NLRP3: variants seen among roughly 807,000 people sequenced by gnomAD.
NLRP3 encodes NACHT, LRR and PYD domains-containing protein 3.
NLRP3 carries 48 observed loss-of-function variants against 91.3 expected under a neutral mutation model. The observed-to-expected ratio is 0.53, with a 90% CI of 0.42 to 0.67. The LOEUF (loss-of-function observed/expected upper bound fraction) is 0.67, where lower values mean the gene tolerates loss of function less well. Ranked by LOEUF, NLRP3 falls within the 30% of genes least tolerant of loss-of-function variation. The pLI is 0.00. For missense variants in NLRP3, 982 were observed against 1,276.9 expected, an observed-to-expected ratio of 0.77 and a Z score of 3.52; for synonymous variants, 561 against 507.9, an observed-to-expected ratio of 1.10 and a Z score of -1.41.
intron 1 of NLRP3, among the ~76,000 whole-genome samples, chr1:247,417,306 T>A (rs912291174): frequency 6.6e-6 from 1 of 152,122 alleles, no homozygotes; most frequent in Admixed American, 6.6e-5. Flanking sequence ...TATGCATCTA[T>A]AAAATGGGGC....
intron 2 of NLRP3, among the ~76,000 whole-genome samples, chr1:247,422,183 A>C (rs1662508016): frequency 6.6e-6 from 1 of 151,948 alleles, no homozygotes; most frequent in African/African-American, 2.4e-5. Context: ...GTTTGAGACC[A>C]GCCTGGGCAA....
intron 5 of NLRP3, among the ~76,000 whole-genome samples, chr1:247,432,911 A>C (rs1335081853): frequency 2.6e-5 from 4 of 151,982 alleles, no homozygotes; most frequent in Non-Finnish European, 5.9e-5. Flanking sequence ...TCAGAGCTGC[A>C]GCGGGATGTG....
chr1:247,421,558 T>A (rs1260713792), intron 2 of NLRP3, among the ~76,000 whole-genome samples: 1 of 152,210 alleles, frequency 6.6e-6, no homozygotes, highest in East Asian at 1.9e-4. Context: ...AAGCAGTTTT[T>A]ATGGATTTTA....
chr1:247,428,271 T>G lies in NLRP3; in HGVS notation c.2151-1314T>G, dbSNP rs561458758. ...CCTTACTCTGAGGACAGACTCTGAC[T>G]GGAGCCCTGGTAGGGGGCTCAGCAC... On this transcript the variant is annotated intron_variant, in intron 4 of 9. Coordinates refer to ENST00000336119, the MANE Select transcript of NLRP3 (RefSeq NM_001243133.2). 2.0e-3 allele frequency among the ~76,000 whole-genome samples: 283 copies of G among 142,254 alleles called. 7 individuals are homozygous for G. The highest frequency in any genetic ancestry group is 3.5e-3 in the Non-Finnish European group (213 of 61,292). The allele number at this position is 142,254 out of a possible 152,430, so 93.3% of individuals were successfully genotyped here. A position where few individuals can be genotyped will look rare whatever the true frequency, so the allele number is the denominator to read the frequency against.
rs1440936445 is a variant in NLRP3 at position 247,423,931 on chromosome 1, G to A, written c.482G>A (p.Ser161Asn). The change falls in exon 4 of 10, where the codon AGC becomes AAC. Residue 161 changes from serine to asparagine, a missense_variant. Ser to Asn is a conservative substitution (Grantham distance 46). Transcript: ENST00000336119. ...AATGCCCGTCTGGGTGAGAGTGTGAGCCTCAACAAACGCTACACACGACTG... is the reference window on the plus strand; with the variant it reads ...AATGCCCGTCTGGGTGAGAGTGTGAACCTCAACAAACGCTACACACGACTG... ...DRNARLGESV[S>N]LNKRYTRLRL... 2 of 1,614,014 alleles carry A rather than the reference G, an allele frequency of 1.2e-6. No homozygotes were observed. The highest frequency in any genetic ancestry group is 1.7e-5 in the Admixed American group (1 of 60,004).
intron 4 of NLRP3, among the ~76,000 whole-genome samples, 197 bp from the exon 5 acceptor site, chr1:247,429,388 G>C (rs1217690671): frequency 2.0e-5 from 3 of 152,198 alleles, no homozygotes; most frequent in Admixed American, 6.5e-5. Flanking sequence ...CTCCGTCCGA[G>C]AGGAGGCAGA....
rs777912263 is a variant in NLRP3 at position 247,434,184 on chromosome 1, G to A, written c.2403G>A (p.Leu801=). The change falls in exon 6 of 10, where the codon CTG becomes CTA. Residue 801 remains leucine (L), a synonymous_variant. Transcript: ENST00000336119. ...VLSSNQKLVE[L]DLSDNALGDF... ...GCAGCAACCAGAAGCTGGTGGAGCTGGACCTGAGTGACAACGCCCTCGGTG... is the reference window on the plus strand; with the variant it reads ...GCAGCAACCAGAAGCTGGTGGAGCTAGACCTGAGTGACAACGCCCTCGGTG... 5 of 1,614,136 alleles carry A rather than the reference G, an allele frequency of 3.1e-6. No homozygotes were observed. The highest frequency in any genetic ancestry group is 3.3e-5 in the Admixed American group (2 of 60,010).
At chr1:247,423,040 T>C (rs1259842387) in intron 2 of NLRP3, among the ~76,000 whole-genome samples, 190 bp from the exon 3 acceptor site, 1 of 152,190 alleles carries the variant, frequency 6.6e-6, no homozygotes, top group East Asian at 1.9e-4. Context: ...GAAGTTGTTT[T>C]GAAACTAGGA....
Position 247,425,755 on chromosome 1 carries a change from CAA to C in NLRP3, c.2150+158_2150+159del, listed in dbSNP as rs1662828838. 1.4e-6 allele frequency: 1 copy of C among 703,784 alleles called. No homozygotes were observed. Among genetic ancestry groups the C allele is most frequent in the Non-Finnish European group, 2.5e-6 (1 of 403,314 alleles). 43.6% of individuals were successfully genotyped at this position (703,784 alleles called of 1,614,324 possible). A position where few individuals can be genotyped will look rare whatever the true frequency, so the allele number is the denominator to read the frequency against. ...TGTCTGTTTGAGACTCCTTCATGAG[CAA>C]AGATTGATGTATGGTAGGTGGATAA... is the stretch of plus-strand genomic sequence containing the variant. On this transcript the variant is annotated intron_variant, in intron 4 of 9. Transcript: ENST00000336119. This position sits in a 1 kb window ranked among gnomAD's most constrained non-coding sequence, Gnocchi z 4.1.
intron 7 of NLRP3, 116 bp downstream of exon 7, chr1:247,436,256 T>A: frequency 2.1e-6 from 2 of 954,176 alleles, no homozygotes; most frequent in Non-Finnish European, 3.3e-6. Flanking sequence ...AGTAAGGAGG[T>A]AAAAACATCA....
chr1:247,424,417 C>G lies in NLRP3; in HGVS notation c.968C>G (p.Ala323Gly), dbSNP rs1662708283. ...IGPLCTDWQKAERGDILLSSL... is the reference protein window; with the variant it reads ...IGPLCTDWQKGERGDILLSSL... ...CCGCTCTGCACTGACTGGCAGAAGG[C>G]CGAGCGGGGAGACATTCTCCTGAGC... Residue 323 changes from alanine to glycine, a missense_variant, in exon 4 of 10, where the codon GCC (alanine) becomes GGC (glycine). By Grantham distance (60) the Ala-to-Gly change is moderately conservative. Coordinates refer to ENST00000336119, the MANE Select transcript of NLRP3 (RefSeq NM_001243133.2). The surrounding 1 kb of genome is among the most constrained non-coding windows in gnomAD (Gnocchi z 8.1). The G allele has an allele frequency of 6.2e-7, 1 of 1,614,030 alleles. No individual in the cohort carries two copies. The highest frequency in any genetic ancestry group is 8.5e-7 in the Non-Finnish European group (1 of 1,180,040).
intron 7 of NLRP3, among the ~76,000 whole-genome samples, chr1:247,440,619 C>T (rs1031051723): frequency 2.6e-5 from 4 of 152,144 alleles, no homozygotes; most frequent in African/African-American, 9.7e-5. Context: ...GAGATGGGGA[C>T]TTGCTATGAT....
chr1:247,426,180 C>A (rs752958480), intron 4 of NLRP3, among the ~76,000 whole-genome samples: 2 of 137,730 alleles, frequency 1.5e-5, no homozygotes, highest in Non-Finnish European at 3.4e-5. Context: ...TGGAGAGAGA[C>A]ACAGTTTCCT....
Position 247,448,480 on chromosome 1 carries a change from C to T in NLRP3, c.3081C>T (p.Thr1027=). The part of the protein sequence containing the change: ...ETLQEEKPEL[T]VVFEPSW ...TTCAAGAAGAAAAGCCTGAGCTGACCGTCGTCTTTGAGCCTTCTTGGTAGG... is the reference window on the plus strand; with the variant it reads ...TTCAAGAAGAAAAGCCTGAGCTGACTGTCGTCTTTGAGCCTTCTTGGTAGG... The change falls in exon 10 of 10, where the codon ACC becomes ACT. Residue 1027 remains threonine, a synonymous_variant. Transcript: ENST00000336119. The T allele has an allele frequency of 1.2e-6, 2 of 1,612,774 alleles. No homozygotes were observed. Among genetic ancestry groups the T allele is most frequent in the African/African-American group, 2.7e-5 (2 of 74,956 alleles).
chr1:247,419,160 ATATAT>A (rs1558185986), intron 2 of NLRP3, 83 bp downstream of exon 2: 594 of 353,032 alleles, frequency 1.7e-3, no homozygotes, highest in Admixed American at 4.4e-3. Context: ...ATATATATAT[ATATAT>A]TTTTTTTTGA....
Position 247,425,929 on chromosome 1 carries a change from GAGTC to G in NLRP3, c.2150+336_2150+339del, listed in dbSNP as rs576177943. 182 of 372,250 alleles carry G rather than the reference GAGTC, an allele frequency of 4.9e-4. No individual in the cohort carries two copies. Among genetic ancestry groups the G allele is most frequent in the African/African-American group, 3.6e-3 (172 of 47,894 alleles). 23.1% of individuals were successfully genotyped at this position (372,250 alleles called of 1,614,324 possible). ...AGCTACTTGGAGCACTAGTGCCTAAGAGTCAGTCAATGTCTGTGGGGCAGAACAA... is the reference window on the plus strand; with the variant it reads ...AGCTACTTGGAGCACTAGTGCCTAAGAGTCAATGTCTGTGGGGCAGAACAA... On this transcript the variant is annotated intron_variant, in intron 4 of 9. Transcript: ENST00000336119. The surrounding 1 kb of genome is among the most constrained non-coding windows in gnomAD (Gnocchi z 4.1).
At position 247,444,808 on chromosome 1, in the gene NLRP3, C is replaced by T; in HGVS notation, c.2992C>T (p.Leu998=). 1 of 1,613,932 alleles carries T rather than the reference C, an allele frequency of 6.2e-7. No homozygotes were observed. Among genetic ancestry groups the T allele is most frequent in the African/African-American group, 1.3e-5 (1 of 75,034 alleles). Residue 998 remains leucine (L), a synonymous_variant, in exon 9 of 10, where the codon CTG becomes TTG. Transcript: ENST00000336119. ...AGTGCTGAAACAGCAGAGCTGCCTCCTGCAGAACCTGGGGTGAGTGTGCTC... is the reference window on the plus strand; with the variant it reads ...AGTGCTGAAACAGCAGAGCTGCCTCTTGCAGAACCTGGGGTGAGTGTGCTC... ...CEVLKQQSCL[L]QNLGLSEMYF...
At position 247,434,197 on chromosome 1, in the gene NLRP3, A is replaced by C; in HGVS notation, c.2416A>C (p.Asn806His). ...QKLVELDLSD[N>H]ALGDFGIRLL... ...GCTGGTGGAGCTGGACCTGAGTGAC[A>C]ACGCCCTCGGTGACTTCGGAATCAG... The change falls in exon 6 of 10, where the codon AAC becomes CAC. Residue 806 changes from asparagine to histidine, a missense_variant. Asn to His is a moderately conservative substitution (Grantham distance 68, BLOSUM62 1). Transcript: ENST00000336119. 1 of 1,614,240 alleles carries C rather than the reference A, an allele frequency of 6.2e-7. No homozygotes were observed. Among genetic ancestry groups the C allele is most frequent in the Non-Finnish European group, 8.5e-7 (1 of 1,180,042 alleles).
intron 6 of NLRP3, 132 bp from the exon 7 acceptor site, chr1:247,435,838 T>C (rs1168242924): frequency 2.4e-6 from 2 of 818,746 alleles, no homozygotes; most frequent in African/African-American, 1.7e-5. Flanking sequence ...ATCAGAAGTG[T>C]ACATAGAGCT....
Sources: allele counts gnomAD v4.1 joint callset (sites outside exome capture counted in the v4.1 genomes callset), GRCh38; gene constraint gnomAD v4.1.1; non-coding constraint Gnocchi (gnomAD v3.1); transcripts MANE v1.5; gene names NCBI Gene and HGNC (gene_info 2026-07-23, HGNC 2026-07-21).